The following LAMA3 variants were observed in gnomAD, a reference collection of about 807,000 sequenced individuals.
LAMA3 encodes the protein laminin subunit alpha 3, also known as laminin subunit alpha-3.
Under a neutral mutation model 402.0 loss-of-function variants are expected in LAMA3, and 281 were observed. That is an observed-to-expected ratio of 0.70 (90% CI 0.63 to 0.77). The LOEUF is 0.77. LAMA3 is among the 30% of genes least tolerant of loss of function. The probability of loss-of-function intolerance (pLI) is 0.00; values close to 1 mark genes in which losing one functional copy is unlikely to be tolerated. For missense variants in LAMA3, 3,840 were observed against 4,215.5 expected, an observed-to-expected ratio of 0.91 and a Z score of 2.47; for synonymous variants, 1,431 against 1,558.4, an observed-to-expected ratio of 0.92 and a Z score of 1.93.
At chr18:23,844,946 T>G (rs1003773570) in intron 29 of LAMA3, 63 bp from the exon 30 acceptor site, 1 of 947,388 alleles carries the variant, frequency 1.1e-6, no homozygotes, top group Non-Finnish European at 1.7e-6. Context: ...ACCTGTATAA[T>G]AAGTAGCCTT....
At chr18:23,818,284 T>C (rs1055452542) in intron 18 of LAMA3, among the ~76,000 whole-genome samples, 1 of 152,230 alleles carries the variant, frequency 6.6e-6, no homozygotes, top group African/African-American at 2.4e-5. Flanking sequence ...ATTGACTGAT[T>C]TTCAGCATAA....
chr18:23,820,788 G>A (rs2063270234), intron 19 of LAMA3, among the ~76,000 whole-genome samples: 1 of 152,068 alleles, frequency 6.6e-6, no homozygotes, highest in South Asian at 2.1e-4. Context: ...TTTTTCATTA[G>A]CGCATCCAAG....
chr18:23,749,606 A>G, intron 4 of LAMA3, 60 bp downstream of exon 4: 1 of 1,019,812 alleles, frequency 9.8e-7, no homozygotes, highest in Non-Finnish European at 1.6e-6. Flanking sequence ...AGGATATCCA[A>G]TTTTTCATAA....
chr18:23,725,097 C>A (rs898934330), intron 2 of LAMA3, among the ~76,000 whole-genome samples: 6 of 151,774 alleles, frequency 4.0e-5, no homozygotes, highest in African/African-American at 1.5e-4. Context: ...CTAAGTATAA[C>A]AGTATAACTC....
intron 32 of LAMA3, 120 bp downstream of exon 32, chr18:23,847,788 C>G: frequency 1.0e-6 from 1 of 982,472 alleles, no homozygotes; most frequent in Non-Finnish European, 1.5e-6. Flanking sequence ...GTGTTGACCT[C>G]GGCATGAGCT....
At chr18:23,854,727 G>A (rs1199202922) in intron 32 of LAMA3, among the ~76,000 whole-genome samples, 1 of 151,798 alleles carries the variant, frequency 6.6e-6, no homozygotes. Context: ...GCTTACGCCT[G>A]TAATCCCTGC....
intron 8 of LAMA3, among the ~76,000 whole-genome samples, chr18:23,767,583 T>C (rs1275626522): frequency 1.4e-5 from 2 of 147,672 alleles, no homozygotes; most frequent in African/African-American, 2.5e-5. Context: ...CTTTTCTTTT[T>C]TTTTTTTTTT....
At chr18:23,900,097 G>A (rs916185710) in intron 47 of LAMA3, among the ~76,000 whole-genome samples, 5 of 151,902 alleles carry the variant, frequency 3.3e-5, no homozygotes, top group Non-Finnish European at 7.4e-5. Context: ...ATGTGACAGA[G>A]TCTCACTCCA....
intron 37 of LAMA3, among the ~76,000 whole-genome samples, chr18:23,869,372 G>A (rs1394589111): frequency 6.6e-6 from 1 of 152,212 alleles, no homozygotes; most frequent in Non-Finnish European, 1.5e-5. Flanking sequence ...ACAGAATGTA[G>A]ATTAGTGGTT....
intron 55 of LAMA3, 77 bp downstream of exon 55, chr18:23,909,372 A>G (rs2081359018): frequency 3.0e-6 from 4 of 1,312,338 alleles, no homozygotes; most frequent in Non-Finnish European, 3.3e-6. Context: ...AAAGAAAAAA[A>G]CACTTATTTA....
chr18:23,859,290 C>G (rs2064158913), intron 34 of LAMA3, among the ~76,000 whole-genome samples: 1 of 152,244 alleles, frequency 6.6e-6, no homozygotes, highest in South Asian at 2.1e-4. Flanking sequence ...GGGGTTTTTT[C>G]TATACTAAAA....
Position 23,758,481 on chromosome 18 carries a change from G to C in LAMA3, c.1033G>C (p.Ala345Pro). Residue 345 changes from alanine to proline, a missense_variant, in exon 7 of 75, where the codon GCC becomes CCC. By Grantham distance (27) the Ala-to-Pro change is conservative. This residue lies in a region of LAMA3 where 2,109 missense variants were observed against 2,376.0 expected (regional missense o/e 0.89). Coordinates refer to ENST00000313654, the MANE Select transcript of LAMA3 (RefSeq NM_198129.4). ...TGYNQRRWRP[A>P]AWEQSHECEA... is the part of the protein sequence containing the mutation. The stretch of plus-strand genomic sequence containing the variant: ...GTACAATCAGAGGCGCTGGCGGCCC[G>C]CCGCTTGGGAGCAGAGCCACGAGTG... 6.2e-7 allele frequency: 1 copy of C among 1,614,022 alleles called. No homozygotes were observed. The highest frequency in any genetic ancestry group is 1.1e-5 in the South Asian group (1 of 91,074).
At chr18:23,820,718 G>C (rs1009298892) in intron 19 of LAMA3, among the ~76,000 whole-genome samples, 2 of 152,142 alleles carry the variant, frequency 1.3e-5, no homozygotes, top group Non-Finnish European at 1.5e-5. Context: ...TCTTCAAGCT[G>C]TTTCTCAGTG....
At chr18:23,788,178 A>G (rs1189230138) in intron 12 of LAMA3, among the ~76,000 whole-genome samples, 11 of 151,942 alleles carry the variant, frequency 7.2e-5, no homozygotes. Context: ...CCTTTCTTCT[A>G]TTATCTTCCT....
At chr18:23,917,096 C>T (rs1404884510) in intron 60 of LAMA3, among the ~76,000 whole-genome samples, 4 of 152,126 alleles carry the variant, frequency 2.6e-5, no homozygotes, top group Middle Eastern at 3.2e-3. Context: ...GTTTAACTCT[C>T]ACTTATAAGT....
chr18:23,892,064 A>G (rs2080688963), intron 42 of LAMA3, among the ~76,000 whole-genome samples: 1 of 152,246 alleles, frequency 6.6e-6, no homozygotes, highest in South Asian at 2.1e-4. Flanking sequence ...CATAAGGGAC[A>G]GAACTTAGAG....
In LAMA3 at chr18:23,839,864, C is replaced by T. The variant is rs370580534; in HGVS notation, c.3271C>T (p.His1091Tyr). The T allele has an allele frequency of 3.1e-5, 50 of 1,614,036 alleles. No individual in the cohort carries two copies. Among genetic ancestry groups the T allele is most frequent in the Non-Finnish European group, 4.0e-5 (47 of 1,179,970 alleles). The change falls in exon 27 of 75, where the codon CAC becomes TAC. Residue 1091 changes from histidine (H) to tyrosine (Y), a missense_variant. Coordinates refer to ENST00000313654, the MANE Select transcript of LAMA3 (RefSeq NM_198129.4). This position sits in a 1 kb window ranked among gnomAD's most constrained non-coding sequence, Gnocchi z 4.5. Reference sequence around the variant, plus strand: ...TGTTCTAAGTGGCAGGCCTTTCCCTCACCTGCCCCAGCAGTCGTCACCTTC... The same window carrying T: ...TGTTCTAAGTGGCAGGCCTTTCCCTTACCTGCCCCAGCAGTCGTCACCTTC... The part of the protein sequence containing the change: ...LDVLSGRPFP[H>Y]LPQQSSPSVD...
At chr18:23,733,348 T>G (rs1440881106) in intron 2 of LAMA3, among the ~76,000 whole-genome samples, 1 of 152,180 alleles carries the variant, frequency 6.6e-6, no homozygotes, top group Non-Finnish European at 1.5e-5. Context: ...GACTCACAGT[T>G]CCACATGGCT....
intron 1 of LAMA3, among the ~76,000 whole-genome samples, chr18:23,707,621 G>T (rs974989252): frequency 1.3e-5 from 2 of 152,014 alleles, no homozygotes; most frequent in Admixed American, 6.6e-5. Flanking sequence ...ACTTTTTAAA[G>T]GTGTCTTTGA....
Sources: allele counts gnomAD v4.1 joint callset (sites outside exome capture counted in the v4.1 genomes callset), GRCh38; gene constraint gnomAD v4.1.1; regional missense constraint gnomAD v4.1.1; non-coding constraint Gnocchi (gnomAD v3.1); transcripts MANE v1.5; gene names NCBI Gene and HGNC (gene_info 2026-07-23, HGNC 2026-07-21).